Variants in TLE4 observed in about 807,000 individuals in gnomAD.
TLE4 encodes TLE family member 4, transcriptional corepressor, also known as transducin-like enhancer protein 4.
Under a neutral mutation model 92.8 loss-of-function variants are expected in TLE4, and 8 were observed. The ratio of observed to expected loss-of-function variants is 0.09; its 90% CI spans 0.05 to 0.16. TLE4 has a LOEUF of 0.16. TLE4 is among the 10% of genes least tolerant of loss of function. The probability of loss-of-function intolerance (pLI) is 1.00; values close to 1 mark genes in which losing one functional copy is unlikely to be tolerated. For missense variants in TLE4, 675 were observed against 997.6 expected, an observed-to-expected ratio of 0.68 and a Z score of 4.36; for synonymous variants, 371 against 374.1, an observed-to-expected ratio of 0.99 and a Z score of 0.10.
intron 6 of TLE4, among the ~76,000 whole-genome samples, chr9:79,642,406 T>C (rs2133959879): frequency 6.6e-6 from 1 of 151,636 alleles, no homozygotes; most frequent in African/African-American, 2.4e-5. Flanking sequence ...CAGGCACATA[T>C]ATGCCACTCT....
At chr9:79,584,074 C>G (rs1261305851) in intron 4 of TLE4, among the ~76,000 whole-genome samples, 1 of 152,208 alleles carries the variant, frequency 6.6e-6, no homozygotes, top group Non-Finnish European at 1.5e-5. Flanking sequence ...GCGAATGCGC[C>G]TGAGGTTGCA....
intron 7 of TLE4, chr9:79,653,010 C>T: frequency 4.7e-6 from 3 of 642,786 alleles, no homozygotes; most frequent in Non-Finnish European, 8.7e-6. Flanking sequence ...GCAGAGGGGC[C>T]TATTTCTGGT....
chr9:79,595,961 T>C (rs562387613), intron 4 of TLE4, among the ~76,000 whole-genome samples: 3 of 151,750 alleles, frequency 2.0e-5, no homozygotes, highest in South Asian at 4.2e-4. Context: ...ATTCTCCTGC[T>C]TCAGCCTCCC....
At chr9:79,703,271 T>A (rs2070480328) in intron 8 of TLE4, among the ~76,000 whole-genome samples, 1 of 152,102 alleles carries the variant, frequency 6.6e-6, no homozygotes, top group Non-Finnish European at 1.5e-5. Context: ...TGGGTTAGGG[T>A]CATTCACACT....
At chr9:79,706,085 C>T in intron 10 of TLE4, 143 bp downstream of exon 10, 1 of 820,432 alleles carries the variant, frequency 1.2e-6, no homozygotes, top group South Asian at 1.4e-5. Context: ...TGTTCTCTTG[C>T]CCTGGCTAGA....
intron 8 of TLE4, among the ~76,000 whole-genome samples, chr9:79,700,532 C>G (rs191136230): frequency 6.6e-6 from 1 of 152,254 alleles, no homozygotes; most frequent in East Asian, 1.9e-4. Flanking sequence ...AATCTAGGAA[C>G]TAGAATCTTC....
intron 4 of TLE4, among the ~76,000 whole-genome samples, chr9:79,591,928 G>A (rs955296387): frequency 1.4e-4 from 22 of 152,234 alleles, no homozygotes; most frequent in Admixed American, 9.2e-4. Flanking sequence ...TTTTGCTTTC[G>A]TTCATCACCT....
chr9:79,716,907 C>G (rs1241255134), intron 14 of TLE4, among the ~76,000 whole-genome samples: 1 of 152,200 alleles, frequency 6.6e-6, no homozygotes, highest in Non-Finnish European at 1.5e-5. Context: ...GCTTGGCACA[C>G]TGGCATACTC....
chr9:79,598,931 A>C (rs2044822385), intron 4 of TLE4, among the ~76,000 whole-genome samples: 1 of 152,224 alleles, frequency 6.6e-6, no homozygotes, highest in Admixed American at 6.5e-5. Context: ...AGTAGGAGCC[A>C]GTAACTGAAA....
chr9:79,649,648 G>A lies in TLE4; in HGVS notation c.391-2945G>A, dbSNP rs184789225. ...GGAAAAGGACCCTTCTCTAAGATTA[G>A]CATACAAGAGGAAGAGAAGAAGCTC... On this transcript the variant is annotated intron_variant, in intron 6 of 19. Transcript: ENST00000376552. The A allele has an allele frequency of 1.7e-5, 6 of 346,756 alleles. No individual in the cohort carries two copies. In the East Asian group the frequency reaches 5.0e-4, roughly 29 times the overall value. 21.5% of individuals were successfully genotyped at this position (346,756 alleles called of 1,614,324 possible).
chr9:79,713,470 G>A (rs576635800), intron 14 of TLE4, among the ~76,000 whole-genome samples: 8 of 152,246 alleles, frequency 5.3e-5, no homozygotes, highest in African/African-American at 7.2e-5. Context: ...GTGTGTGTTC[G>A]TGTTGAGAGG....
At chr9:79,575,535 G>C (rs1278332042) in intron 3 of TLE4, among the ~76,000 whole-genome samples, 2 of 152,118 alleles carry the variant, frequency 1.3e-5, no homozygotes, top group African/African-American at 4.8e-5. Context: ...TGTTCTGCCA[G>C]AATTTCTATG....
At chr9:79,605,793 C>T (rs981446328) in intron 4 of TLE4, among the ~76,000 whole-genome samples, 3 of 152,000 alleles carry the variant, frequency 2.0e-5, no homozygotes, top group Non-Finnish European at 4.4e-5. Flanking sequence ...TTAACTGAGC[C>T]GCACATTGGG....
intron 6 of TLE4, among the ~76,000 whole-genome samples, chr9:79,635,669 A>G (rs1293042924): frequency 2.0e-5 from 3 of 151,098 alleles, no homozygotes; most frequent in Non-Finnish European, 4.4e-5. Flanking sequence ...TCTTTGCACC[A>G]TTGTTGAAAA....
intron 8 of TLE4, among the ~76,000 whole-genome samples, chr9:79,697,694 T>C (rs1236699527): frequency 1.3e-5 from 2 of 152,002 alleles, no homozygotes; most frequent in African/African-American, 4.8e-5. Context: ...TAATTTAAAA[T>C]CAATTTTATT....
At chr9:79,599,402 G>C (rs2044983743) in intron 4 of TLE4, among the ~76,000 whole-genome samples, 1 of 152,158 alleles carries the variant, frequency 6.6e-6, no homozygotes, top group Non-Finnish European at 1.5e-5. Context: ...TGGAGATTGT[G>C]AGTTAATTCG....
At chr9:79,698,595 G>A (rs2068881769) in intron 8 of TLE4, among the ~76,000 whole-genome samples, 1 of 152,002 alleles carries the variant, frequency 6.6e-6, no homozygotes, top group African/African-American at 2.4e-5. Context: ...TATACAGATT[G>A]TGCTTTTAAT....
intron 5 of TLE4, 64 bp downstream of exon 5, chr9:79,612,782 G>A: frequency 1.4e-6 from 2 of 1,401,662 alleles, no homozygotes; most frequent in Middle Eastern, 1.8e-4. Context: ...GCAGAAAAGG[G>A]ATTGTAGAAC....
intron 4 of TLE4, among the ~76,000 whole-genome samples, chr9:79,589,347 C>T (rs2041979830): frequency 6.6e-6 from 1 of 151,930 alleles, no homozygotes; most frequent in African/African-American, 2.4e-5. Flanking sequence ...TGATGATAAG[C>T]AGAGTGGGGT....
Sources: gnomAD v4.1 joint callset for allele counts (sites outside exome capture counted in the v4.1 genomes callset) on GRCh38, gnomAD v4.1.1 for gene constraint, MANE v1.5 for transcripts, NCBI Gene and HGNC (gene_info 2026-07-23, HGNC 2026-07-21) for gene names.